MRPS35: variants seen among roughly 807,000 people sequenced by gnomAD.
The protein encoded by MRPS35 is mitochondrial ribosomal protein S35.
Under a neutral mutation model 32.7 loss-of-function variants are expected in MRPS35, and 29 were observed. The observed-to-expected ratio is 0.89, with a 90% CI of 0.66 to 1.21. The LOEUF (loss-of-function observed/expected upper bound fraction) is 1.21. Ranked by LOEUF, MRPS35 falls within the 50% of genes most tolerant of loss-of-function variation. The pLI is 0.00. For synonymous variants in MRPS35, 148 were observed against 139.3 expected (o/e 1.06, Z -0.44); for missense variants, 373 against 383.8 (o/e 0.97, Z 0.23).
intron 7 of MRPS35, among the ~76,000 whole-genome samples, chr12:27,739,833 G>C (rs1250379247): frequency 6.6e-6 from 1 of 152,204 alleles, no homozygotes; most frequent in African/African-American, 2.4e-5. Flanking sequence ...AAATTCAGTG[G>C]AAGTTGATTT....
chr12:27,745,568 C>CT lies in MRPS35; in HGVS notation c.702+7971dup, dbSNP rs573864421. ...GGTTGTATCAGTGCCACCTGGGAAG[C>CT]TTTTTTTTTTTAAATTATACTTTAA... is the stretch of plus-strand genomic sequence containing the variant. On this transcript the variant is annotated intron_variant, in intron 7 of 7. Transcript: ENST00000081029. 3.3e-3 allele frequency among the ~76,000 whole-genome samples: 488 copies of CT among 146,648 alleles called. 2 individuals carry two copies. Among genetic ancestry groups the CT allele is most frequent in the Middle Eastern group, 7.0e-3 (2 of 284 alleles).
intron 7 of MRPS35, among the ~76,000 whole-genome samples, chr12:27,742,262 C>T (rs1160937034): frequency 5.3e-5 from 8 of 152,288 alleles, no homozygotes; most frequent in Admixed American, 2.6e-4. Context: ...TGCCTACACA[C>T]CTGCATTTCC....
In MRPS35 at chr12:27,737,581, A is replaced by T. The variant is rs371762041; in HGVS notation, c.675A>T (p.Leu225=). 1.3e-5 allele frequency: 21 copies of T among 1,611,566 alleles called. No homozygotes were observed. Among genetic ancestry groups the T allele is most frequent in the Non-Finnish European group, 1.7e-5 (20 of 1,178,068 alleles). Residue 225 remains leucine (L), a synonymous_variant, in exon 7 of 8, where the codon CTA becomes CTT. Coordinates refer to ENST00000081029, the MANE Select transcript of MRPS35 (RefSeq NM_021821.4). Reference sequence around the variant, plus strand: ...AGAATTACGATTATGCAGTGTATCTACTAACAGTGTTATACCATGAGTCTT... The same window carrying T: ...AGAATTACGATTATGCAGTGTATCTTCTAACAGTGTTATACCATGAGTCTT... ...RRQNYDYAVY[L]LTVLYHESWN... is the part of the protein sequence containing the mutation.
intron 4 of MRPS35, among the ~76,000 whole-genome samples, 186 bp downstream of exon 4, chr12:27,720,054 C>T (rs772682785): frequency 2.6e-5 from 4 of 152,060 alleles, no homozygotes; most frequent in Non-Finnish European, 4.4e-5. Context: ...AACCATGATC[C>T]TTGTTCACAG....
intron 3 of MRPS35, among the ~76,000 whole-genome samples, chr12:27,716,732 A>C (rs1235724130): frequency 6.6e-6 from 1 of 152,222 alleles, no homozygotes; most frequent in East Asian, 1.9e-4. Flanking sequence ...TCACGCCTGT[A>C]ATCCTGGCAC....
chr12:27,747,140 C>T (rs1426442411), intron 7 of MRPS35, among the ~76,000 whole-genome samples: 3 of 152,166 alleles, frequency 2.0e-5, no homozygotes, highest in African/African-American at 7.2e-5. Context: ...TGTACTTTAG[C>T]CATAATGAAC....
In MRPS35 at chr12:27,719,799, C is replaced by G. The variant is rs2061865990; in HGVS notation, c.322-9C>G. 1 of 1,557,690 alleles carries G rather than the reference C, an allele frequency of 6.4e-7. No individual in the cohort carries two copies. Among genetic ancestry groups the G allele is most frequent in the Non-Finnish European group, 8.8e-7 (1 of 1,133,978 alleles). On this transcript the variant is annotated splice_polypyrimidine_tract_variant and intron_variant, in intron 3 of 7. Transcript: ENST00000081029. ...TAGCTAATTTATCTTTTAAATTTCT[C>G]TATTTAAGATTCCCAATTTTCTGCA... is the stretch of plus-strand genomic sequence containing the variant.
chr12:27,748,517 T>G (rs1008408198), intron 7 of MRPS35, among the ~76,000 whole-genome samples: 3 of 151,802 alleles, frequency 2.0e-5, no homozygotes, highest in Non-Finnish European at 4.4e-5. Flanking sequence ...TATTTAATGG[T>G]CAAAGCATTA....
At position 27,710,837 on chromosome 12, in the gene MRPS35, C is replaced by G; in HGVS notation, c.-7C>G. 3 of 1,602,504 alleles carry G rather than the reference C, an allele frequency of 1.9e-6. No individual in the cohort carries two copies. In the South Asian group the frequency reaches 3.3e-5, roughly 18 times the overall value. ...CTTGTCCCCTCCGGCTTGCCGTCCTCGCAGCCATGGCGGCCGCCGCGCTCC... is the reference window on the plus strand; with the variant it reads ...CTTGTCCCCTCCGGCTTGCCGTCCTGGCAGCCATGGCGGCCGCCGCGCTCC... On this transcript the variant is annotated 5_prime_UTR_variant, in exon 1 of 8. Transcript: ENST00000081029.
At chr12:27,747,035 C>G (rs2061983838) in intron 7 of MRPS35, among the ~76,000 whole-genome samples, 1 of 152,112 alleles carries the variant, frequency 6.6e-6, no homozygotes, top group South Asian at 2.1e-4. Context: ...CAGTGGTTTC[C>G]CATTACTTAG....
intron 7 of MRPS35, among the ~76,000 whole-genome samples, chr12:27,751,831 G>A (rs1591804592): frequency 6.6e-6 from 1 of 152,354 alleles, no homozygotes; most frequent in African/African-American, 2.4e-5. Context: ...ACACAAACAG[G>A]TTATATAACA....
intron 5 of MRPS35, among the ~76,000 whole-genome samples, chr12:27,728,856 A>G (rs1292299997): frequency 6.6e-6 from 1 of 152,168 alleles, no homozygotes; most frequent in African/African-American, 2.4e-5. Flanking sequence ...CCTGGAAGTT[A>G]GATTTAAAGG....
intron 5 of MRPS35, among the ~76,000 whole-genome samples, chr12:27,725,349 A>G (rs756095216): frequency 2.6e-5 from 4 of 152,232 alleles, no homozygotes; most frequent in Non-Finnish European, 4.4e-5. Flanking sequence ...AGTGTGATAT[A>G]TAAATAATTT....
At chr12:27,734,676 C>T (rs531696102) in intron 5 of MRPS35, among the ~76,000 whole-genome samples, 2 of 152,200 alleles carry the variant, frequency 1.3e-5, no homozygotes, top group South Asian at 4.2e-4. Flanking sequence ...TGTTGTGAAC[C>T]GTTCCTTGAA....
chr12:27,714,164 A>G (rs1374868469), intron 1 of MRPS35, among the ~76,000 whole-genome samples: 1 of 152,078 alleles, frequency 6.6e-6, no homozygotes, highest in Non-Finnish European at 1.5e-5. Flanking sequence ...TCCCTGCTAT[A>G]TGTGTTCATA....
At chr12:27,740,198 A>G (rs573532504) in intron 7 of MRPS35, among the ~76,000 whole-genome samples, 2 of 152,092 alleles carry the variant, frequency 1.3e-5, no homozygotes, top group Admixed American at 6.5e-5. Flanking sequence ...CCTCTTTTTA[A>G]TCCATTGCTT....
chr12:27,734,908 T>C (rs1481389979), intron 5 of MRPS35, among the ~76,000 whole-genome samples: 1 of 152,196 alleles, frequency 6.6e-6, no homozygotes, highest in African/African-American at 2.4e-5. Flanking sequence ...AACGTTGAGC[T>C]AAATGAATTT....
At chr12:27,716,080 G>A (rs2061849123) in intron 2 of MRPS35, among the ~76,000 whole-genome samples, 1 of 152,172 alleles carries the variant, frequency 6.6e-6, no homozygotes, top group South Asian at 2.1e-4. Context: ...TTGCCAGAGG[G>A]TTTGAAGAAA....
intron 5 of MRPS35, among the ~76,000 whole-genome samples, chr12:27,734,896 G>A (rs2061936996): frequency 1.3e-5 from 2 of 152,172 alleles, no homozygotes; most frequent in Non-Finnish European, 2.9e-5. Context: ...AACATTTTGA[G>A]AAACGTTGAG....
Sources: gnomAD v4.1 joint callset for allele counts (sites outside exome capture counted in the v4.1 genomes callset) on GRCh38, gnomAD v4.1.1 for gene constraint, MANE v1.5 for transcripts, NCBI Gene and HGNC (gene_info 2026-07-23, HGNC 2026-07-21) for gene names.